Variants in LRP8 observed in about 807,000 individuals in gnomAD.
The protein encoded by LRP8 is low-density lipoprotein receptor-related protein 8.
In LRP8, 46 loss-of-function variants were observed where a neutral mutation model predicts 111.6. The ratio of observed to expected loss-of-function variants is 0.41; its 90% confidence interval spans 0.33 to 0.53. LRP8 has a LOEUF of 0.53. Among genes scored for constraint, LRP8 ranks in the 20% least tolerant of loss-of-function variants. The pLI, the probability that LRP8 is intolerant of heterozygous loss-of-function variation, is 0.20. For synonymous variants in LRP8, 464 were observed against 511.2 expected, an observed-to-expected ratio of 0.91 and a Z score of 1.24; for missense variants, 959 against 1,297.4, an observed-to-expected ratio of 0.74 and a Z score of 4.01.
chr1:53,271,046 T>G lies in LRP8; in HGVS notation c.1234A>C (p.Lys412Gln). ...TTCATACCAGCAGCCTTGCAGTTCT[T>G]GGTCAGTAGGTCCATCTCGTAGCCA... ...YPGYEMDLLT[K>Q]NCKAAAGKSP... The change falls in exon 8 of 19, where the codon AAG becomes CAG. Residue 412 changes from lysine (K) to glutamine (Q), a missense_variant. Lys to Gln is a moderately conservative substitution (Grantham distance 53). This residue lies in a region of LRP8 where 819 missense variants were observed against 1,097.6 expected (regional missense o/e 0.75). Transcript: ENST00000306052. The G allele has an allele frequency of 6.2e-7, 1 of 1,614,076 alleles. No individual in the cohort carries two copies. Among genetic ancestry groups the G allele is most frequent in the African/African-American group, 1.3e-5 (1 of 75,016 alleles).
Position 53,275,587 on chromosome 1 carries a change from G to A in LRP8, c.1006+44C>T. The A allele has an allele frequency of 6.2e-7, 1 of 1,607,292 alleles. No individual in the cohort carries two copies. The highest frequency in any genetic ancestry group is 1.1e-5 in the South Asian group (1 of 90,708). ...CCTCTGGAGAGTTACCAGAGCCTAG[G>A]GCATCCTCACAGAGGATGTGTTCTG... On this transcript the variant is annotated intron_variant, in intron 6 of 18. Transcript: ENST00000306052. The surrounding 1 kb of genome is among the most constrained non-coding windows in gnomAD (Gnocchi z 4.4).
intron 2 of LRP8, among the ~76,000 whole-genome samples, chr1:53,302,856 A>ATTTTTTTTTTTTTTTTTTTTTTTTT (rs769628078): frequency 7.9e-6 from 1 of 126,606 alleles, no homozygotes; most frequent in Non-Finnish European, 1.6e-5. Flanking sequence ...CACCCAGCTA[A>ATTTTTTTTTTTTTTTTTTTTTTTTT]TTTTTTTTTT....
At position 53,303,243 on chromosome 1, in the gene LRP8, G is replaced by A. The variant is rs1379815645; in HGVS notation, c.245-13554C>T. 6.6e-6 allele frequency among the ~76,000 whole-genome samples: 1 copy of A among 152,222 alleles called. No homozygotes were observed. Among genetic ancestry groups the A allele is most frequent in the African/African-American group, 2.4e-5 (1 of 41,454 alleles). On this transcript the variant is annotated intron_variant, in intron 2 of 18. Transcript: ENST00000306052. The surrounding 1 kb of genome is among the most constrained non-coding windows in gnomAD (Gnocchi z 4.3). ...AATGGGAGAGGGCCGGGGGCAGACAGGCAAGGGGCATGGCTTAGCTGGAAA... is the reference window on the plus strand; with the variant it reads ...AATGGGAGAGGGCCGGGGGCAGACAAGCAAGGGGCATGGCTTAGCTGGAAA...
At chr1:53,273,486 C>T (rs1646822032) in intron 6 of LRP8, among the ~76,000 whole-genome samples, 2 of 152,330 alleles carry the variant, frequency 1.3e-5, no homozygotes, top group Admixed American at 1.3e-4. Flanking sequence ...AGACAGAGGC[C>T]ACACACAGAC....
rs547932148 is a variant in LRP8, at chr1:53,257,397, T to G, written c.2277A>C (p.Arg759Ser). 1.9e-6 allele frequency: 3 copies of G among 1,613,992 alleles called. No homozygotes were observed. In the African/African-American group the frequency reaches 4.0e-5, roughly 22 times the overall value. The change falls in exon 15 of 19, where the codon AGA becomes AGC. Residue 759 changes from arginine to serine, a missense_variant. Around this residue, in one of 3 missense-constraint regions of LRP8, gnomAD observed 819 missense variants for 1,097.6 expected, o/e 0.75. Coordinates refer to ENST00000306052, the MANE Select transcript of LRP8 (RefSeq NM_004631.5). ...ATCTGTGGACGGTGGTCCCGGGGGC[T>G]CTTGTGGTGGCAGGTACTGTCCTCG... ...TMTRTVPATT[R>S]APGTTVHRST...
chr1:53,255,094 C>T (rs1646033058), intron 16 of LRP8, 23 bp downstream of exon 16: 2 of 1,612,336 alleles, frequency 1.2e-6, no homozygotes, highest in African/African-American at 1.3e-5. Flanking sequence ...CTTTTCTCTT[C>T]AGTGACTGGG....
At chr1:53,288,042 C>G (rs918879881) in intron 3 of LRP8, 1 of 152,252 alleles carries the variant, frequency 6.6e-6, no homozygotes, top group Non-Finnish European at 1.5e-5. Flanking sequence ...AGGCAGCCCC[C>G]TCTGATAACC....
rs569667104 is a variant in LRP8, at chr1:53,303,850, G to C, written c.245-14161C>G. On this transcript the variant is annotated intron_variant, in intron 2 of 18. Transcript: ENST00000306052. This position sits in a 1 kb window ranked among gnomAD's most constrained non-coding sequence, Gnocchi z 4.3. ...AGCGACAGGGGACTCAGTCAGCCGT[G>C]CTGGCTGGAGGCTGAACACGTTCCT... Among the ~76,000 whole-genome samples the C allele has an allele frequency of 1.3e-5, 2 of 152,330 alleles. No homozygotes were observed. Among genetic ancestry groups the C allele is most frequent in the African/African-American group, 4.8e-5 (2 of 41,568 alleles).
rs1646943067 is a variant in LRP8, at chr1:53,276,974, A to T, written c.601T>A (p.Cys201Ser). The change falls in exon 5 of 19, where the codon TGT (cysteine) becomes AGT (serine). Residue 201 changes from cysteine (C) to serine (S), a missense_variant. Physicochemically the swap from Cys to Ser is moderately radical, Grantham distance 112. Around this residue, in one of 3 missense-constraint regions of LRP8, gnomAD observed 819 missense variants for 1,097.6 expected, o/e 0.75. Coordinates refer to ENST00000306052, the MANE Select transcript of LRP8 (RefSeq NM_004631.5). ...DCGDGSDERG[C>S]ADPACGPREF... ...CGGGGCCCGCAGGCCGGGTCTGCACAGCCGCGCTCATCGCTGCCGTCACCA... is the reference window on the plus strand; with the variant it reads ...CGGGGCCCGCAGGCCGGGTCTGCACTGCCGCGCTCATCGCTGCCGTCACCA... 1 of 1,507,328 alleles carries T rather than the reference A, an allele frequency of 6.6e-7. No homozygotes were observed. The highest frequency in any genetic ancestry group is 8.8e-7 in the Non-Finnish European group (1 of 1,131,278). The allele number at this position is 1,507,328 out of a possible 1,614,324, so 93.4% of individuals were successfully genotyped here.
intron 3 of LRP8, among the ~76,000 whole-genome samples, chr1:53,283,446 CACTTACTTACTACATACCCGGGCCACTT>C (rs1557800011): frequency 2.1e-5 from 3 of 146,204 alleles, no homozygotes; most frequent in Non-Finnish European, 3.0e-5. Context: ...ATACCCGGGC[CACTTACTTACTACATACCCGGGCCACTT>C]ACTTACTACA....
intron 2 of LRP8, among the ~76,000 whole-genome samples, chr1:53,308,736 CAGG>C (rs1286909640): frequency 6.6e-6 from 1 of 152,198 alleles, no homozygotes; most frequent in Non-Finnish European, 1.5e-5. Context: ...TGGAGGCTTG[CAGG>C]AGATCAGCAC....
In LRP8 at chr1:53,249,624, C is replaced by T. The variant is rs1430261715; in HGVS notation, c.2677-68G>A. ...TCAGCCCCCTGACTGTGCTGTATAA[C>T]AGTGACACCTGCTGTGCCACTTTGT... On this transcript the variant is annotated intron_variant, in intron 17 of 18. Coordinates refer to ENST00000306052, the MANE Select transcript of LRP8 (RefSeq NM_004631.5). This position sits in a 1 kb window ranked among gnomAD's most constrained non-coding sequence, Gnocchi z 4.1. 6.8e-7 allele frequency: 1 copy of T among 1,480,528 alleles called. No homozygotes were observed. The highest frequency in any genetic ancestry group is 2.4e-5 in the Admixed American group (1 of 41,246). 91.7% of individuals were successfully genotyped at this position (1,480,528 alleles called of 1,614,324 possible). A position where few individuals can be genotyped will look rare whatever the true frequency, so the allele number is the denominator to read the frequency against.
intron 15 of LRP8, among the ~76,000 whole-genome samples, chr1:53,256,328 G>A (rs540146260): frequency 1.3e-5 from 2 of 152,368 alleles, no homozygotes; most frequent in South Asian, 4.1e-4. Context: ...CCTCCCTGCT[G>A]TCCTCCCTGC....
In LRP8 at chr1:53,306,120, C is replaced by T. The variant is rs538453777; in HGVS notation, c.245-16431G>A. 1.3e-5 allele frequency: 2 copies of T among 152,420 alleles called. 1 individual carries two copies. Among genetic ancestry groups the T allele is most frequent in the Admixed American group, 1.3e-4 (2 of 15,310 alleles). 9.4% of individuals were successfully genotyped at this position (152,420 alleles called of 1,614,324 possible). A position where few individuals can be genotyped will look rare whatever the true frequency, so the allele number is the denominator to read the frequency against. On this transcript the variant is annotated intron_variant, in intron 2 of 18. Coordinates refer to ENST00000306052, the MANE Select transcript of LRP8 (RefSeq NM_004631.5). ...TCCTGTGTTGGTGGCACTCAACCAT[C>T]TTTCTCTACCAGACTAGCAGCTCGG...
rs986581539 is a variant in LRP8, at chr1:53,275,534, ACCAAGGGGAAACTCCTC to A, written c.1006+80_1006+96del. The A allele has an allele frequency of 1.3e-6, 2 of 1,506,072 alleles. No homozygotes were observed. Among genetic ancestry groups the A allele is most frequent in the African/African-American group, 2.8e-5 (2 of 72,314 alleles). The allele number at this position is 1,506,072 out of a possible 1,614,324, so 93.3% of individuals were successfully genotyped here. A position where few individuals can be genotyped will look rare whatever the true frequency, so the allele number is the denominator to read the frequency against. On this transcript the variant is annotated intron_variant, in intron 6 of 18. Coordinates refer to ENST00000306052, the MANE Select transcript of LRP8 (RefSeq NM_004631.5). The surrounding 1 kb of genome is among the most constrained non-coding windows in gnomAD (Gnocchi z 4.4). ...CTCTGGGGGAAAATGCATCTTGGGGACCAAGGGGAAACTCCTCCCAACTCTGCCCTCTGGAGAGTTAC... is the reference window on the plus strand; with the variant it reads ...CTCTGGGGGAAAATGCATCTTGGGGACCAACTCTGCCCTCTGGAGAGTTAC...
At chr1:53,307,943 G>A (rs1426447660) in intron 2 of LRP8, among the ~76,000 whole-genome samples, 1 of 152,192 alleles carries the variant, frequency 6.6e-6, no homozygotes, top group Non-Finnish European at 1.5e-5. Flanking sequence ...GCAAGGGGCT[G>A]GGGTCACAGG....
chr1:53,289,486 C>T, intron 3 of LRP8, 81 bp downstream of exon 3: 3 of 1,516,294 alleles, frequency 2.0e-6, no homozygotes, highest in Non-Finnish European at 2.7e-6. Flanking sequence ...GGTTACCTCT[C>T]CTGAGCCTCA....
At chr1:53,265,374 A>T in intron 9 of LRP8, among the ~76,000 whole-genome samples, 1 of 152,070 alleles carries the variant, frequency 6.6e-6, no homozygotes, top group East Asian at 1.9e-4. Context: ...ATATGTCCAA[A>T]ACTGTTCATC....
chr1:53,316,406 G>T (rs563018936), intron 2 of LRP8, among the ~76,000 whole-genome samples: 1 of 152,334 alleles, frequency 6.6e-6, no homozygotes. Flanking sequence ...AATCAGCCCC[G>T]TCAGAGCTCA....
Sources: allele counts gnomAD v4.1 joint callset (sites outside exome capture counted in the v4.1 genomes callset), GRCh38; gene constraint gnomAD v4.1.1; regional missense constraint gnomAD v4.1.1; non-coding constraint Gnocchi (gnomAD v3.1); transcripts MANE v1.5; gene names NCBI Gene and HGNC (gene_info 2026-07-23, HGNC 2026-07-21).